The following DEPDC4 variants were observed in gnomAD, a reference collection of about 807,000 sequenced individuals.
DEPDC4 encodes the protein DEP domain-containing protein 4.
Under a neutral mutation model 52.0 loss-of-function variants are expected in DEPDC4, and 52 were observed. The ratio of observed to expected loss-of-function variants is 1.00; its 90% confidence interval spans 0.80 to 1.26. The LOEUF is 1.26. DEPDC4 is among the 50% of genes most tolerant of loss of function. The pLI, the probability that DEPDC4 is intolerant of heterozygous loss-of-function variation, is 0.00. For synonymous variants in DEPDC4, 201 were observed against 196.8 expected (o/e 1.02, Z -0.18); for missense variants, 530 against 546.9 (o/e 0.97, Z 0.31).
upstream of DEPDC4, among the ~76,000 whole-genome samples, chr12:100,269,295 C>T (rs895840867): frequency 3.3e-5 from 5 of 151,896 alleles, no homozygotes; most frequent in African/African-American, 1.2e-4. Flanking sequence ...TTTGGTTATG[C>T]TACTTCCTCT....
At chr12:100,252,645 G>C in intron 5 of DEPDC4, 109 bp from the exon 6 acceptor site, 2 of 1,088,240 alleles carry the variant, frequency 1.8e-6, no homozygotes, top group Non-Finnish European at 2.5e-6. Context: ...TTAGTTTGCA[G>C]GTTCTTTTCT....
chr12:100,267,447 T>C (rs1308965020), upstream of DEPDC4: 2 of 172,882 alleles, frequency 1.2e-5, no homozygotes, highest in Non-Finnish European at 2.5e-5. Context: ...GGCGGCTCTC[T>C]CGCCTGGGCT....
At chr12:100,246,486 G>A (rs2096185970) in intron 8 of DEPDC4, among the ~76,000 whole-genome samples, 1 of 152,166 alleles carries the variant, frequency 6.6e-6, no homozygotes, top group South Asian at 2.1e-4. Flanking sequence ...CTTATTGCAA[G>A]CAGGGGCATT....
chr12:100,240,539 C>A lies in DEPDC4; in HGVS notation c.*1353G>T, dbSNP rs1054466970. ...ACCTCTGCTACATTAGGGAATGATGCCATAGAGTGAACTAACCAATTTAAA... is the reference window on the plus strand; with the variant it reads ...ACCTCTGCTACATTAGGGAATGATGACATAGAGTGAACTAACCAATTTAAA... On this transcript the variant is annotated 3_prime_UTR_variant, in exon 10 of 10. Coordinates refer to ENST00000550587, the MANE Select transcript of DEPDC4 (RefSeq NM_001364818.2). Among the ~76,000 whole-genome samples, 3 of 151,592 alleles carry A rather than the reference C, an allele frequency of 2.0e-5. No individual in the cohort carries two copies. The highest frequency in any genetic ancestry group is 7.3e-5 in the African/African-American group (3 of 41,170).
downstream of DEPDC4, among the ~76,000 whole-genome samples, chr12:100,239,956 G>T (rs2096152173): frequency 6.6e-6 from 1 of 152,100 alleles, no homozygotes; most frequent in African/African-American, 2.4e-5. Flanking sequence ...TGGGACTACA[G>T]CTACATGCCA....
At position 100,266,900 on chromosome 12, in the gene DEPDC4, G is replaced by A. The variant is rs964575217; in HGVS notation, c.157+20C>T. On this transcript the variant is annotated intron_variant, in intron 1 of 9. Transcript: ENST00000550587. ...CCCCTCCACCTTCACTGCACATTTG[G>A]CTAGGATATACAGGGCTACCTGTCC... is the stretch of plus-strand genomic sequence containing the variant. 6.2e-7 allele frequency: 1 copy of A among 1,608,064 alleles called. No individual in the cohort carries two copies.
chr12:100,279,836 C>T, the DEPDC4 span, among the ~76,000 whole-genome samples: 1 of 152,212 alleles, frequency 6.6e-6, no homozygotes, highest in Non-Finnish European at 1.5e-5. Context: ...CTTGCCAGAC[C>T]TGGTGGAGTG....
At chr12:100,273,682 C>T in the DEPDC4 span, among the ~76,000 whole-genome samples, 1 of 152,150 alleles carries the variant, frequency 6.6e-6, no homozygotes, top group Non-Finnish European at 1.5e-5. Flanking sequence ...CATAGTCTTC[C>T]TCCCTTACAT....
chr12:100,274,060 T>C, the DEPDC4 span, among the ~76,000 whole-genome samples: 2 of 152,216 alleles, frequency 1.3e-5, no homozygotes, highest in Admixed American at 6.5e-5. Flanking sequence ...GTAGCAACAT[T>C]TTCTAGCTGC....
rs1254043491 is a variant in DEPDC4 at position 100,262,250 on chromosome 12, T to C, written c.700+14A>G. On this transcript the variant is annotated intron_variant, in intron 3 of 9. Coordinates refer to ENST00000550587, the MANE Select transcript of DEPDC4 (RefSeq NM_001364818.2). ...TCCTTACCATGTTCTGAAAAAATAA[T>C]GAAAACAAATTACCTTCTTTTGAAA... 1.9e-6 allele frequency: 3 copies of C among 1,596,960 alleles called. No homozygotes were observed. Among genetic ancestry groups the C allele is most frequent in the South Asian group, 2.3e-5 (2 of 88,450 alleles).
Position 100,240,910 on chromosome 12 carries a change from G to C in DEPDC4, c.*982C>G, listed in dbSNP as rs371670909. On this transcript the variant is annotated 3_prime_UTR_variant, in exon 10 of 10. Coordinates refer to ENST00000550587, the MANE Select transcript of DEPDC4 (RefSeq NM_001364818.2). ...TCTACTAAAACTACAAAAATTAGCC[G>C]GGCATAGTGGCAGGTACCTATAATC... 6.6e-6 allele frequency among the ~76,000 whole-genome samples: 1 copy of C among 152,016 alleles called. No homozygotes were observed. The highest frequency in any genetic ancestry group is 1.5e-5 in the Non-Finnish European group (1 of 68,012).
chr12:100,256,263 A>C, intron 3 of DEPDC4, 37 bp from the exon 4 acceptor site: 1 of 1,466,500 alleles, frequency 6.8e-7, no homozygotes. Context: ...CAAGATTGGT[A>C]AATAAAACAT....
upstream of DEPDC4, among the ~76,000 whole-genome samples, chr12:100,268,532 G>C (rs920269781): frequency 6.6e-6 from 1 of 152,116 alleles, no homozygotes; most frequent in Non-Finnish European, 1.5e-5. Flanking sequence ...GCTTTTGGGG[G>C]ATTGTGTAAA....
intron 3 of DEPDC4, among the ~76,000 whole-genome samples, chr12:100,256,682 C>T (rs2096234598): frequency 1.4e-5 from 2 of 147,548 alleles, no homozygotes; most frequent in Non-Finnish European, 3.0e-5. Context: ...CGCTTTGTTG[C>T]CCAGGCTCGA....
chr12:100,240,015 C>T (rs930421410), downstream of DEPDC4, among the ~76,000 whole-genome samples: 1 of 152,110 alleles, frequency 6.6e-6, no homozygotes, highest in Non-Finnish European at 1.5e-5. Flanking sequence ...CATTCTAATT[C>T]AAGATGACTG....
intron 5 of DEPDC4, among the ~76,000 whole-genome samples, chr12:100,253,149 C>T (rs2096215715): frequency 6.6e-6 from 1 of 152,194 alleles, no homozygotes; most frequent in African/African-American, 2.4e-5. Flanking sequence ...AACTCCTGAC[C>T]TCAGGTGACT....
rs569633646 is a variant in DEPDC4 at position 100,244,052 on chromosome 12, C to T, written c.1454-1483G>A. The stretch of plus-strand genomic sequence containing the variant: ...GTTTTATCCTTGAACCTTTACTTAG[C>T]ACAGGCAGAGGTGTCTCCCTCTCTC... On this transcript the variant is annotated intron_variant, in intron 8 of 9. Transcript: ENST00000550587. Among the ~76,000 whole-genome samples, 3 of 141,594 alleles carry T rather than the reference C, an allele frequency of 2.1e-5. No homozygotes were observed. The South Asian group carries it at 6.9e-4, about 33-fold the overall frequency. 92.9% of individuals were successfully genotyped at this position (141,594 alleles called of 152,430 possible). A position where few individuals can be genotyped will look rare whatever the true frequency, so the allele number is the denominator to read the frequency against.
At chr12:100,233,236 C>T (rs954086604) in intron 9 of DEPDC4, among the ~76,000 whole-genome samples, 4 of 152,134 alleles carry the variant, frequency 2.6e-5, no homozygotes, top group Admixed American at 2.0e-4. Context: ...ATCTTTCTAA[C>T]CCAAGCTGCC....
At chr12:100,264,507 C>T (rs1470824313) in intron 1 of DEPDC4, among the ~76,000 whole-genome samples, 3 of 152,162 alleles carry the variant, frequency 2.0e-5, no homozygotes, top group African/African-American at 4.8e-5. Context: ...GACGAGACTC[C>T]ACCTCTACTA....
Sources: allele counts gnomAD v4.1 joint callset (sites outside exome capture counted in the v4.1 genomes callset), GRCh38; gene constraint gnomAD v4.1.1; transcripts MANE v1.5; gene names NCBI Gene and HGNC (gene_info 2026-07-23, HGNC 2026-07-21).